Variants in STPG2 observed in about 807,000 individuals in gnomAD.
STPG2 encodes sperm tail PG-rich repeat containing 2.
In STPG2, 56 loss-of-function variants were observed where a neutral mutation model predicts 54.2. The observed-to-expected ratio is 1.03, with a 90% CI of 0.83 to 1.29. The LOEUF is 1.29. Among genes scored for constraint, STPG2 ranks in the 50% most tolerant of loss-of-function variants. The pLI, the probability that STPG2 is intolerant of heterozygous loss-of-function variation, is 0.00. For missense variants in STPG2, 596 were observed against 544.9 expected (o/e 1.09, Z -0.93); for synonymous variants, 200 against 181.8 (o/e 1.10, Z -0.81).
chr4:98,081,109 G>A (rs906350765), intron 5 of STPG2, among the ~76,000 whole-genome samples: 1 of 152,182 alleles, frequency 6.6e-6, no homozygotes, highest in Non-Finnish European at 1.5e-5. Context: ...TTCCAGATAA[G>A]AGAATCAACT....
chr4:97,924,489 C>T (rs1444557368), intron 8 of STPG2, among the ~76,000 whole-genome samples: 2 of 152,084 alleles, frequency 1.3e-5, no homozygotes, highest in Middle Eastern at 3.2e-3. Flanking sequence ...CTGAATTGGT[C>T]AAAGTATAAC....
chr4:97,996,239 C>A (rs1301899694), intron 5 of STPG2, among the ~76,000 whole-genome samples: 1 of 152,174 alleles, frequency 6.6e-6, no homozygotes, highest in Non-Finnish European at 1.5e-5. Context: ...GGTACAGAAG[C>A]AGACACATAG....
In STPG2 at chr4:98,143,140, C is replaced by T. The variant is rs1366011812; in HGVS notation, c.11G>A (p.Arg4Gln). ...AGCCAATTTGAGCAGGCGGGGAGCC[C>T]GATCATACATAGTGCTCGGGGTGGT... MYD[R>Q]APRLLKLAEG... Residue 4 changes from arginine (R) to glutamine (Q), a missense_variant, in exon 1 of 11, where the codon CGG (arginine) becomes CAG (glutamine). Transcript: ENST00000295268. The T allele has an allele frequency of 6.2e-7, 1 of 1,613,104 alleles. No homozygotes were observed. Among genetic ancestry groups the T allele is most frequent in the Non-Finnish European group, 8.5e-7 (1 of 1,179,592 alleles).
At chr4:97,888,352 A>C (rs1455246159) in intron 8 of STPG2, among the ~76,000 whole-genome samples, 1 of 152,170 alleles carries the variant, frequency 6.6e-6, no homozygotes, top group African/African-American at 2.4e-5. Flanking sequence ...TGAGCCCTTC[A>C]GAGCCAAAGG....
At chr4:97,673,719 A>G (rs989988086) in intron 10 of STPG2, among the ~76,000 whole-genome samples, 19 of 152,256 alleles carry the variant, frequency 1.2e-4, no homozygotes, top group Non-Finnish European at 2.6e-4. Context: ...TAAATATGAA[A>G]AGAATAAAAA....
chr4:97,675,143 A>G (rs1174077676), intron 10 of STPG2, among the ~76,000 whole-genome samples: 1 of 152,000 alleles, frequency 6.6e-6, no homozygotes, highest in East Asian at 1.9e-4. Context: ...AGCTGGCATT[A>G]CAGGCATGCA....
chr4:97,886,282 GA>G (rs1322588879), intron 8 of STPG2, among the ~76,000 whole-genome samples: 1 of 152,152 alleles, frequency 6.6e-6, no homozygotes, highest in East Asian at 1.9e-4. Context: ...AATTAAAAGG[GA>G]AAAAATAAAA....
At chr4:97,483,476 G>C (rs1343772066) in intron 4 of STPG2, among the ~76,000 whole-genome samples, 1 of 151,694 alleles carries the variant, frequency 6.6e-6, no homozygotes. Context: ...AAAAGATAAA[G>C]AGGGACATTA....
chr4:98,105,217 G>T (rs1483280213), intron 5 of STPG2, among the ~76,000 whole-genome samples: 1 of 152,084 alleles, frequency 6.6e-6, no homozygotes, highest in South Asian at 2.1e-4. Flanking sequence ...TGATTCTGGG[G>T]GCTGCCCAAT....
At chr4:97,589,418 G>A (rs766044644) in intron 10 of STPG2, among the ~76,000 whole-genome samples, 1 of 152,042 alleles carries the variant, frequency 6.6e-6, no homozygotes. Context: ...TAAAAGCAAT[G>A]TTAATAATCC....
intron 9 of STPG2, among the ~76,000 whole-genome samples, chr4:97,818,038 G>A (rs958520102): frequency 2.0e-5 from 3 of 151,868 alleles, no homozygotes; most frequent in African/African-American, 7.2e-5. Flanking sequence ...AAATCTGAGA[G>A]TCCAAAGGCC....
intron 10 of STPG2, among the ~76,000 whole-genome samples, chr4:97,596,312 A>G (rs1482097253): frequency 6.6e-6 from 1 of 152,108 alleles, no homozygotes; most frequent in Non-Finnish European, 1.5e-5. Flanking sequence ...CAATAATAGT[A>G]GTATTACACT....
At chr4:97,612,174 T>C (rs1733746378) in intron 10 of STPG2, among the ~76,000 whole-genome samples, 1 of 151,356 alleles carries the variant, frequency 6.6e-6, no homozygotes, top group African/African-American at 2.4e-5. Context: ...TATTTAAGAA[T>C]GGCATCATTA....
intron 4 of STPG2, among the ~76,000 whole-genome samples, chr4:97,444,721 T>A (rs1215410647): frequency 3.9e-5 from 6 of 152,000 alleles, no homozygotes; most frequent in Admixed American, 3.9e-4. Context: ...AATATGTGGG[T>A]AAATCAAAAT....
At chr4:97,835,751 T>C (rs1728613525) in intron 9 of STPG2, among the ~76,000 whole-genome samples, 1 of 152,104 alleles carries the variant, frequency 6.6e-6, no homozygotes, top group African/African-American at 2.4e-5. Flanking sequence ...TAGATATCAT[T>C]AGAACATTCA....
chr4:97,981,216 G>T lies in STPG2; in HGVS notation c.715C>A (p.Pro239Thr), dbSNP rs199854534. ...LKKTSGLKNI[P>T]FGQSAVRFTQ... ...AATCGAACAGCACTTTGACCAAATG[G>T]AATATTTTTCAGTCCTGATGTTTTC... The change falls in exon 6 of 11, where the codon CCA (proline) becomes ACA (threonine). Residue 239 changes from proline to threonine, a missense_variant. Transcript: ENST00000295268. 1.1e-5 allele frequency: 18 copies of T among 1,613,876 alleles called. No homozygotes were observed. The highest frequency in any genetic ancestry group is 1.7e-6 in the Non-Finnish European group (2 of 1,179,962).
chr4:97,646,470 G>A (rs1170395621), intron 10 of STPG2, among the ~76,000 whole-genome samples: 1 of 151,946 alleles, frequency 6.6e-6, no homozygotes, highest in Non-Finnish European at 1.5e-5. Flanking sequence ...TTTATATAAA[G>A]TGTGAATTAT....
intron 8 of STPG2, among the ~76,000 whole-genome samples, chr4:97,847,188 A>G (rs1031467151): frequency 3.3e-5 from 5 of 152,160 alleles, no homozygotes; most frequent in Admixed American, 6.5e-5. Flanking sequence ...TATCCAAATT[A>G]CTTAAATTTG....
intron 5 of STPG2, among the ~76,000 whole-genome samples, chr4:98,051,961 C>T (rs1221312310): frequency 5.3e-5 from 8 of 151,992 alleles, no homozygotes; most frequent in Admixed American, 1.3e-4. Context: ...GTGGTGCAAG[C>T]CTATAATCCC....
Sources: gnomAD v4.1 joint callset for allele counts (sites outside exome capture counted in the v4.1 genomes callset) on GRCh38, gnomAD v4.1.1 for gene constraint, MANE v1.5 for transcripts, NCBI Gene and HGNC (gene_info 2026-07-23, HGNC 2026-07-21) for gene names.